PIP5K1C: variants seen among roughly 807,000 people sequenced by gnomAD.
The protein encoded by PIP5K1C is phosphatidylinositol-4-phosphate 5-kinase type 1 gamma.
PIP5K1C carries 45 observed loss-of-function variants against 80.1 expected under a neutral mutation model. The ratio of observed to expected loss-of-function variants is 0.56; its 90% CI spans 0.44 to 0.72. PIP5K1C has a LOEUF of 0.72. Among genes scored for constraint, PIP5K1C ranks in the 30% least tolerant of loss-of-function variants. PIP5K1C has a pLI of 0.00. For missense variants in PIP5K1C, 753 were observed against 954.6 expected, an observed-to-expected ratio of 0.79 and a Z score of 2.78; for synonymous variants, 498 against 420.1, an observed-to-expected ratio of 1.19 and a Z score of -2.27.
rs1307750257 is a variant in PIP5K1C at position 3,651,851 on chromosome 19, C to T, written c.1102G>A (p.Gly368Arg). Reference sequence around the variant, plus strand: ...GTGTCATCCGATTCGATGGCCTCCCCGCGCGCGGCGCCACCCTGGATGGAC... The same window carrying T: ...GTGTCATCCGATTCGATGGCCTCCCTGCGCGCGGCGCCACCCTGGATGGAC... ...MESIQGGAAR[G>R]EAIESDDTMG... Residue 368 changes from glycine to arginine, a missense_variant, in exon 8 of 18, where the codon GGG becomes AGG. Physicochemically the swap from Gly to Arg is moderately radical, Grantham distance 125 (BLOSUM62 -2). Coordinates refer to ENST00000335312, the MANE Select transcript of PIP5K1C (RefSeq NM_012398.3). 1.4e-5 allele frequency: 23 copies of T among 1,612,296 alleles called. No homozygotes were observed. Among genetic ancestry groups the T allele is most frequent in the Non-Finnish European group, 1.4e-5 (17 of 1,179,858 alleles).
intron 16 of PIP5K1C, among the ~76,000 whole-genome samples, chr19:3,638,373 TG>T (rs2033795320): frequency 6.6e-6 from 1 of 152,090 alleles, no homozygotes; most frequent in African/African-American, 2.4e-5. Flanking sequence ...GAAGCCCTCC[TG>T]CCACTGCCCG....
chr19:3,700,137 G>A (rs1021268679), intron 1 of PIP5K1C, among the ~76,000 whole-genome samples, 160 bp downstream of exon 1: 13 of 151,466 alleles, frequency 8.6e-5, no homozygotes, highest in African/African-American at 3.1e-4. Flanking sequence ...CTTCAGCCCC[G>A]TCCTCCCCGC....
At chr19:3,699,297 C>G (rs892059845) in intron 1 of PIP5K1C, among the ~76,000 whole-genome samples, 1 of 134,894 alleles carries the variant, frequency 7.4e-6, no homozygotes, top group African/African-American at 2.8e-5. Flanking sequence ...TCCAGATGGC[C>G]GCCGGGAGGG....
chr19:3,688,060 C>G lies in PIP5K1C; in HGVS notation c.94+12237G>C, dbSNP rs1044848999. Among the ~76,000 whole-genome samples the G allele has an allele frequency of 1.2e-4, 18 of 152,286 alleles. No individual in the cohort carries two copies. Among genetic ancestry groups the G allele is most frequent in the African/African-American group, 4.1e-4 (17 of 41,564 alleles). ...GGCCGACGGGATGGGTCAGGGTGCACAGAGCACACGCCAGCCCCTGGGGGA... is the reference window on the plus strand; with the variant it reads ...GGCCGACGGGATGGGTCAGGGTGCAGAGAGCACACGCCAGCCCCTGGGGGA... On this transcript the variant is annotated intron_variant, in intron 1 of 17. Transcript: ENST00000335312. This position sits in a 1 kb window ranked among gnomAD's most constrained non-coding sequence, Gnocchi z 5.3.
intron 11 of PIP5K1C, 125 bp from the exon 12 acceptor site, chr19:3,644,376 GC>G: frequency 1.1e-6 from 1 of 948,676 alleles, no homozygotes; most frequent in Non-Finnish European, 1.6e-6. Flanking sequence ...GGTCCCTGAG[GC>G]CAGGAAGCAC....
intron 1 of PIP5K1C, among the ~76,000 whole-genome samples, chr19:3,695,891 T>C (rs1184608252): frequency 6.6e-6 from 1 of 152,102 alleles, no homozygotes; most frequent in Admixed American, 6.6e-5. Flanking sequence ...GTCTAGCTAC[T>C]TCTTTTAATT....
Position 3,637,383 on chromosome 19 carries a change from G to A in PIP5K1C, c.1920+1501C>T, listed in dbSNP as rs763988969. The A allele has an allele frequency of 5.2e-6, 8 of 1,535,474 alleles. No individual in the cohort carries two copies. Among genetic ancestry groups the A allele is most frequent in the South Asian group, 3.6e-5 (3 of 84,062 alleles). ...GCCCAGCGCCTGGTCCGGGGCCAGC[G>A]TGGCTGACCTCAATTGCAGCCGTGA... On this transcript the variant is annotated intron_variant, in intron 16 of 17. Transcript: ENST00000335312. This position sits in a 1 kb window ranked among gnomAD's most constrained non-coding sequence, Gnocchi z 7.0.
chr19:3,643,720 C>A (rs954684472), intron 12 of PIP5K1C, among the ~76,000 whole-genome samples: 16 of 149,824 alleles, frequency 1.1e-4, no homozygotes, highest in African/African-American at 3.9e-4. Context: ...CACACGGGCT[C>A]CTTGCTGTTC....
At chr19:3,667,058 CCTGCAGCCCTGACCAGGCACCCCTGCCA>C (rs2035036556) in intron 2 of PIP5K1C, among the ~76,000 whole-genome samples, 1 of 152,004 alleles carries the variant, frequency 6.6e-6, no homozygotes, top group Non-Finnish European at 1.5e-5. Flanking sequence ...CCTTCCTGCC[CCTGCAGCCCTGACCAGGCACCCCTGCCA>C]CTGAGGGTGT....
intron 1 of PIP5K1C, among the ~76,000 whole-genome samples, chr19:3,684,625 C>A (rs1329165456): frequency 2.0e-5 from 3 of 152,238 alleles, no homozygotes; most frequent in Non-Finnish European, 4.4e-5. Context: ...CCAAGCCCAG[C>A]CAATACTGGG....
chr19:3,680,310 T>C (rs192184938), intron 1 of PIP5K1C, among the ~76,000 whole-genome samples: 61 of 152,310 alleles, frequency 4.0e-4, no homozygotes, highest in Middle Eastern at 3.4e-3. Flanking sequence ...AACTGTCTTT[T>C]CTTTTTTCTT....
At chr19:3,633,313 G>T in intron 17 of PIP5K1C, 124 bp downstream of exon 17, 1 of 711,200 alleles carries the variant, frequency 1.4e-6, no homozygotes, top group Non-Finnish European at 2.4e-6. Context: ...CCAGGGTGGA[G>T]CTCTGGGCCA....
At chr19:3,658,505 C>T (rs982998419) in intron 5 of PIP5K1C, among the ~76,000 whole-genome samples, 4 of 152,368 alleles carry the variant, frequency 2.6e-5, no homozygotes, top group African/African-American at 9.6e-5. Flanking sequence ...GCAGGACGCC[C>T]TCCAGCCTCC....
chr19:3,689,209 A>C (rs2145603809), intron 1 of PIP5K1C, among the ~76,000 whole-genome samples: 1 of 152,234 alleles, frequency 6.6e-6, no homozygotes, highest in Non-Finnish European at 1.5e-5. Context: ...ACACGCCTTG[A>C]AATAAAAACG....
intron 1 of PIP5K1C, among the ~76,000 whole-genome samples, chr19:3,678,365 G>GA: frequency 7.1e-6 from 1 of 139,944 alleles, no homozygotes; most frequent in Non-Finnish European, 1.6e-5. Context: ...TGGAGGAATG[G>GA]AGGATGGAGG....
At chr19:3,661,730 A>G in intron 4 of PIP5K1C, 141 bp downstream of exon 4, 1 of 926,572 alleles carries the variant, frequency 1.1e-6, no homozygotes, top group Non-Finnish European at 1.7e-6. Flanking sequence ...TGACGGACAG[A>G]GGGCCAGAGC....
rs892363867 is a variant in PIP5K1C, at chr19:3,699,950, G to A, written c.94+347C>T. On this transcript the variant is annotated intron_variant, in intron 1 of 17. Coordinates refer to ENST00000335312, the MANE Select transcript of PIP5K1C (RefSeq NM_012398.3). ...AAAGGGAGGTGACATCAGGAGGTGG[G>A]CACGCACGGCCTCAGAGACCCCCGC... Among the ~76,000 whole-genome samples, 21 of 152,326 alleles carry A rather than the reference G, an allele frequency of 1.4e-4. No homozygotes were observed. In the East Asian group the frequency reaches 3.5e-3, roughly 25 times the overall value.
chr19:3,668,014 G>A (rs571723540), intron 1 of PIP5K1C, among the ~76,000 whole-genome samples: 30 of 152,288 alleles, frequency 2.0e-4, no homozygotes, highest in African/African-American at 5.8e-4. Context: ...TTTGTGGAAG[G>A]GTAAGAGAGG....
chr19:3,698,078 C>A (rs554304560), intron 1 of PIP5K1C, among the ~76,000 whole-genome samples: 1 of 152,236 alleles, frequency 6.6e-6, no homozygotes, highest in Non-Finnish European at 1.5e-5. Context: ...CGGCCCCTGT[C>A]GGACAAGGCT....
Sources: gnomAD v4.1 joint callset for allele counts (sites outside exome capture counted in the v4.1 genomes callset) on GRCh38, gnomAD v4.1.1 for gene constraint, Gnocchi (gnomAD v3.1) non-coding constraint, MANE v1.5 for transcripts, NCBI Gene and HGNC (gene_info 2026-07-23, HGNC 2026-07-21) for gene names.